SMARCC1: variants seen among roughly 807,000 people sequenced by gnomAD.
SMARCC1 encodes SWI/SNF related BAF chromatin remodeling complex subunit C1.
SMARCC1 carries 43 observed loss-of-function variants against 147.4 expected under a neutral mutation model. The ratio of observed to expected loss-of-function variants is 0.29; its 90% CI spans 0.23 to 0.38. SMARCC1 has a LOEUF of 0.38. Ranked by LOEUF, SMARCC1 falls within the 10% of genes least tolerant of loss-of-function variation. SMARCC1 has a pLI of 1.00. For synonymous variants in SMARCC1, 495 were observed against 484.4 expected, an observed-to-expected ratio of 1.02 and a Z score of -0.29; for missense variants, 1,119 against 1,381.1, an observed-to-expected ratio of 0.81 and a Z score of 3.01.
intron 2 of SMARCC1, among the ~76,000 whole-genome samples, chr3:47,747,042 T>C (rs2034572020): frequency 6.6e-6 from 1 of 151,846 alleles, no homozygotes; most frequent in South Asian, 2.1e-4. Flanking sequence ...ACACCAGTAA[T>C]TCTAACATTT....
chr3:47,740,010 G>A lies in SMARCC1; in HGVS notation c.402-1900C>T, dbSNP rs1269541170. ...TCCTGCCTCAGCCTCCTGATTAGCT[G>A]GGATTACAGGTGTGCTCCACGACAC... On this transcript the variant is annotated intron_variant, in intron 3 of 27. Transcript: ENST00000254480. Among the ~76,000 whole-genome samples the A allele has an allele frequency of 2.6e-5, 4 of 151,612 alleles. No homozygotes were observed. The East Asian group carries it at 7.7e-4, about 29-fold the overall frequency.
At chr3:47,589,009 C>A (rs916693287) in intron 27 of SMARCC1, among the ~76,000 whole-genome samples, 2 of 152,112 alleles carry the variant, frequency 1.3e-5, no homozygotes, top group Non-Finnish European at 2.9e-5. Flanking sequence ...TTTAAAAACC[C>A]CTAGATCTTG....
At chr3:47,734,963 G>A (rs894899309) in intron 5 of SMARCC1, among the ~76,000 whole-genome samples, 2 of 152,096 alleles carry the variant, frequency 1.3e-5, no homozygotes, top group Admixed American at 1.3e-4. Context: ...CACCATGTTG[G>A]CCAGGATGGT....
chr3:47,686,992 T>A (rs867604902), intron 13 of SMARCC1, among the ~76,000 whole-genome samples: 2 of 152,060 alleles, frequency 1.3e-5, no homozygotes, highest in Non-Finnish European at 2.9e-5. Context: ...CAAAAAAAAA[T>A]AAAATAAGCA....
At chr3:47,736,605 G>A (rs1212334052) in intron 4 of SMARCC1, among the ~76,000 whole-genome samples, 1 of 150,660 alleles carries the variant, frequency 6.6e-6, no homozygotes. Context: ...GAACCCGGGA[G>A]GTTGGAGCTT....
At chr3:47,595,303 T>C (rs1260354122) in intron 26 of SMARCC1, among the ~76,000 whole-genome samples, 1 of 152,108 alleles carries the variant, frequency 6.6e-6, no homozygotes, top group Non-Finnish European at 1.5e-5. Flanking sequence ...CGAGGCGAGA[T>C]CACCTGAGGT....
rs534671952 is a variant in SMARCC1, at chr3:47,587,588, T to C, written c.*621A>G. On this transcript the variant is annotated 3_prime_UTR_variant, in exon 28 of 28. Transcript: ENST00000254480. ...TCACTAGGGAATAAAATCACTGAGG[T>C]TCTCCTTCCACATCTCGTTTAATTT... The C allele has an allele frequency of 6.5e-6, 1 of 152,976 alleles. No homozygotes were observed. The highest frequency in any genetic ancestry group is 2.4e-5 in the African/African-American group (1 of 41,562). The allele number at this position is 152,976 out of a possible 1,614,324, so 9.5% of individuals were successfully genotyped here. A position where few individuals can be genotyped will look rare whatever the true frequency, so the allele number is the denominator to read the frequency against.
chr3:47,665,773 C>CAA (rs1249212090), intron 19 of SMARCC1, among the ~76,000 whole-genome samples: 1 of 151,858 alleles, frequency 6.6e-6, no homozygotes, highest in Non-Finnish European at 1.5e-5. Context: ...TATAATGCTA[C>CAA]AAAACAGCTT....
chr3:47,638,876 C>CAGT, intron 21 of SMARCC1, 96 bp from the exon 22 acceptor site: 1 of 841,762 alleles, frequency 1.2e-6, no homozygotes, highest in South Asian at 1.4e-5. Context: ...CAAATATATA[C>CAGT]AGTAATACAT....
chr3:47,630,857 G>A (rs1374178831), intron 24 of SMARCC1, among the ~76,000 whole-genome samples: 1 of 152,156 alleles, frequency 6.6e-6, no homozygotes, highest in Non-Finnish European at 1.5e-5. Flanking sequence ...GGCACCAGGA[G>A]TTTGAGACCA....
At position 47,635,095 on chromosome 3, in the gene SMARCC1, C is replaced by G. The variant is rs2032950473; in HGVS notation, c.2646+95G>C. 6 of 1,103,790 alleles carry G rather than the reference C, an allele frequency of 5.4e-6. No individual in the cohort carries two copies. In the East Asian group the frequency reaches 1.4e-4, roughly 26 times the overall value. The allele number at this position is 1,103,790 out of a possible 1,614,324, so 68.4% of individuals were successfully genotyped here. On this transcript the variant is annotated intron_variant, in intron 24 of 27. Transcript: ENST00000254480. ...TCAAGCAGTCATCTCCTATTGGGAGCAAAGCTCTTTATACTAAATGTTCCC... is the reference window on the plus strand; with the variant it reads ...TCAAGCAGTCATCTCCTATTGGGAGGAAAGCTCTTTATACTAAATGTTCCC...
intron 24 of SMARCC1, among the ~76,000 whole-genome samples, chr3:47,633,875 C>T (rs2032933760): frequency 1.4e-5 from 2 of 145,416 alleles, no homozygotes; most frequent in Non-Finnish European, 3.0e-5. Flanking sequence ...TCTAAAACAC[C>T]TAATGACAGT....
At chr3:47,739,372 A>C (rs2034481606) in intron 3 of SMARCC1, among the ~76,000 whole-genome samples, 1 of 152,150 alleles carries the variant, frequency 6.6e-6, no homozygotes, top group Admixed American at 6.6e-5. Context: ...CTAGGCTGGA[A>C]TGCTCTGGTG....
intron 18 of SMARCC1, among the ~76,000 whole-genome samples, chr3:47,671,189 A>AAAAAAAAAAAAAC (rs2033494943): frequency 2.1e-5 from 3 of 145,730 alleles, no homozygotes; most frequent in Non-Finnish European, 1.5e-5. Context: ...AAAAAAAAAA[A>AAAAAAAAAAAAAC]AAAAAAAAAC....
intron 26 of SMARCC1, among the ~76,000 whole-genome samples, chr3:47,602,225 G>A (rs1057307639): frequency 1.3e-5 from 2 of 152,128 alleles, no homozygotes; most frequent in African/African-American, 4.8e-5. Context: ...CCAGGAATTC[G>A]AGGCTGCAGT....
At chr3:47,677,921 C>A (rs374338169) in intron 16 of SMARCC1, among the ~76,000 whole-genome samples, 2 of 152,048 alleles carry the variant, frequency 1.3e-5, no homozygotes, top group Non-Finnish European at 2.9e-5. Flanking sequence ...GAGGCGGAGG[C>A]AGGAGAATCG....
intron 2 of SMARCC1, among the ~76,000 whole-genome samples, chr3:47,752,448 G>C (rs949624257): frequency 6.6e-6 from 1 of 152,036 alleles, no homozygotes; most frequent in Non-Finnish European, 1.5e-5. Context: ...AAAAGCACAG[G>C]ATGTTAGAGC....
intron 21 of SMARCC1, among the ~76,000 whole-genome samples, chr3:47,645,138 G>A (rs376466210): frequency 6.6e-4 from 100 of 152,182 alleles, no homozygotes; most frequent in African/African-American, 2.3e-3. Context: ...TTAGCTGGAC[G>A]TGGTGGCGCA....
At chr3:47,706,611 C>A (rs1576417503) in intron 9 of SMARCC1, 81 bp from the exon 10 acceptor site, 1 of 1,307,720 alleles carries the variant, frequency 7.6e-7, no homozygotes, top group African/African-American at 1.5e-5. Context: ...GGTGAATCTC[C>A]ACACACAAAG....
Sources: allele counts gnomAD v4.1 joint callset (sites outside exome capture counted in the v4.1 genomes callset), GRCh38; gene constraint gnomAD v4.1.1; transcripts MANE v1.5; gene names NCBI Gene and HGNC (gene_info 2026-07-23, HGNC 2026-07-21).